ZNF318: variants seen among roughly 807,000 people sequenced by gnomAD.
ZNF318 encodes the protein zinc finger protein 318, also known as endocrine regulator.
ZNF318 carries 51 observed loss-of-function variants against 124.2 expected under a neutral mutation model. The observed-to-expected ratio is 0.41, with a 90% CI of 0.33 to 0.52. The LOEUF is 0.52. Ranked by LOEUF, ZNF318 falls within the 20% of genes least tolerant of loss-of-function variation. ZNF318 has a pLI of 0.23. For synonymous variants in ZNF318, 1,090 were observed against 1,040.7 expected, an observed-to-expected ratio of 1.05 and a Z score of -0.91; for missense variants, 2,815 against 2,811.2, an observed-to-expected ratio of 1.00 and a Z score of -0.03.
chr6:43,352,548 CCTT>C, intron 4 of ZNF318, 72 bp from the exon 5 acceptor site: 1 of 1,382,992 alleles, frequency 7.2e-7, no homozygotes, highest in Non-Finnish European at 1.0e-6. Flanking sequence ...CTTCCAGAAG[CCTT>C]CTTCCTAGAC....
Position 43,357,217 on chromosome 6 carries a change from G to T in ZNF318, c.1097C>A (p.Ser366Tyr). ...AGATACTTCCTCAGGCCGATGCAAA[G>T]AATATCCTGGCTCCGATGCTGTTAG... is the stretch of plus-strand genomic sequence containing the variant. Reference protein sequence around the residue: ...GVLTASEPGYSLHRPEEVSVM... With the variant: ...GVLTASEPGYYLHRPEEVSVM... Residue 366 changes from serine (S) to tyrosine (Y), a missense_variant, in exon 3 of 10, where the codon TCT (serine) becomes TAT (tyrosine). By Grantham distance (144) the Ser-to-Tyr change is moderately radical (BLOSUM62 -2). This residue lies in a region of ZNF318 where 1,377 missense variants were observed against 1,353.5 expected (regional missense o/e 1.02). Coordinates refer to ENST00000361428, the MANE Select transcript of ZNF318 (RefSeq NM_014345.3). The T allele has an allele frequency of 6.2e-7, 1 of 1,614,168 alleles. No individual in the cohort carries two copies. Among genetic ancestry groups the T allele is most frequent in the Non-Finnish European group, 8.5e-7 (1 of 1,180,026 alleles).
chr6:43,337,373 G>A lies in ZNF318; in HGVS notation c.6625C>T (p.Gln2209Ter). 6.2e-7 allele frequency: 1 copy of A among 1,614,132 alleles called. No homozygotes were observed. Among genetic ancestry groups the A allele is most frequent in the Admixed American group, 1.7e-5 (1 of 60,008 alleles). Residue 2209 changes from glutamine to a stop codon, truncating the protein, a stop_gained, in exon 10 of 10, where the codon CAG (glutamine) becomes TAG (stop). Coordinates refer to ENST00000361428, the MANE Select transcript of ZNF318 (RefSeq NM_014345.3). LOFTEE classifies it low-confidence loss of function (END_TRUNC). ...GTGGATGCATTCGATATTTCTAGCT[G>A]TAATGGCCCCAACTCCAGGGAACTA... Reference protein sequence around the residue: ...KCSSLELGPLQLEISNASTTE... With the variant: ...KCSSLELGPL
chr6:43,365,528 C>T (rs1298437798), intron 1 of ZNF318, 88 bp from the exon 2 acceptor site: 1 of 1,415,186 alleles, frequency 7.1e-7, no homozygotes, highest in African/African-American at 1.4e-5. Context: ...CAAAGTTAGC[C>T]AGGCATGGTG....
intron 6 of ZNF318, among the ~76,000 whole-genome samples, chr6:43,345,484 A>C (rs1418224430): frequency 6.6e-6 from 1 of 152,160 alleles, no homozygotes; most frequent in Non-Finnish European, 1.5e-5. Context: ...AGTTTCAGAG[A>C]CCATGAAGAC....
At chr6:43,361,579 A>G (rs1029681845) in intron 2 of ZNF318, among the ~76,000 whole-genome samples, 1 of 151,956 alleles carries the variant, frequency 6.6e-6, no homozygotes, top group Non-Finnish European at 1.5e-5. Context: ...AAAGTTAATA[A>G]TTTTTTTTAA....
intron 9 of ZNF318, 44 bp downstream of exon 9, chr6:43,340,746 C>T: frequency 6.4e-7 from 1 of 1,569,520 alleles, no homozygotes; most frequent in East Asian, 2.2e-5. Context: ...AAAATAATTA[C>T]TTCAGAAAAG....
Position 43,338,484 on chromosome 6 carries a change from G to T in ZNF318, c.5514C>A (p.Ser1838=), listed in dbSNP as rs759000187. 1 of 1,614,058 alleles carries T rather than the reference G, an allele frequency of 6.2e-7. No homozygotes were observed. Among genetic ancestry groups the T allele is most frequent in the Non-Finnish European group, 8.5e-7 (1 of 1,180,006 alleles). The change falls in exon 10 of 10, where the codon TCC becomes TCA. Residue 1838 remains serine, a synonymous_variant. Transcript: ENST00000361428. ...LLMIDKEAEQ[S]NKLMTGSETP... ...TTTCACTTCCTGTCATCAATTTATT[G>T]GACTGTTCAGCCTCTTTGTCAATCA... is the stretch of plus-strand genomic sequence containing the variant.
intron 5 of ZNF318, among the ~76,000 whole-genome samples, chr6:43,349,622 A>G (rs1281333191): frequency 2.0e-5 from 3 of 151,780 alleles, no homozygotes; most frequent in Non-Finnish European, 4.4e-5. Context: ...AACAGTCCAA[A>G]CCCAGACAGA....
chr6:43,337,551 C>T lies in ZNF318; in HGVS notation c.6447G>A (p.Glu2149=), dbSNP rs777946201. The T allele has an allele frequency of 1.2e-6, 2 of 1,614,082 alleles. No individual in the cohort carries two copies. Among genetic ancestry groups the T allele is most frequent in the Non-Finnish European group, 1.7e-6 (2 of 1,180,004 alleles). Residue 2149 remains glutamate, a synonymous_variant, in exon 10 of 10, where the codon GAG becomes GAA. Transcript: ENST00000361428. The part of the protein sequence containing the change: ...VKESSQLDKQ[E]SLGLELKTIN... ...TTGTTTTTAATTCCAATCCGAGTGACTCTTGTTTGTCTAATTGGGAAGATT... is the reference window on the plus strand; with the variant it reads ...TTGTTTTTAATTCCAATCCGAGTGATTCTTGTTTGTCTAATTGGGAAGATT...
Position 43,365,346 on chromosome 6 carries a change from C to T in ZNF318, c.494G>A (p.Arg165Gln), listed in dbSNP as rs777932522. ...TGACCCCAGCCGATCACTAAGCCGT[C>T]GCCGTTCTGGTGTGCTAACACAGAA... ...DHFCVSTPER[R>Q]RLSDRLGSPV... Residue 165 changes from arginine (R) to glutamine (Q), a missense_variant, in exon 2 of 10, where the codon CGA becomes CAA. Arg to Gln is a conservative substitution (Grantham distance 43). Transcript: ENST00000361428. 39 of 1,614,086 alleles carry T rather than the reference C, an allele frequency of 2.4e-5. No individual in the cohort carries two copies. The Middle Eastern group carries it at 6.6e-4, about 27-fold the overall frequency.
intron 2 of ZNF318, among the ~76,000 whole-genome samples, chr6:43,361,352 G>A (rs778682533): frequency 3.7e-4 from 56 of 152,168 alleles, no homozygotes; most frequent in Non-Finnish European, 6.6e-4. Context: ...ATTGCTTGGG[G>A]TCAGGAGACT....
At chr6:43,351,833 C>T (rs1463895864) in intron 5 of ZNF318, among the ~76,000 whole-genome samples, 2 of 151,690 alleles carry the variant, frequency 1.3e-5, no homozygotes, top group Admixed American at 6.6e-5. Flanking sequence ...AAAGATAGAG[C>T]AAGCGTATTA....
chr6:43,367,832 G>A lies in ZNF318; in HGVS notation c.399+1135C>T, dbSNP rs80066320. Among the ~76,000 whole-genome samples, 788 of 152,220 alleles carry A rather than the reference G, an allele frequency of 5.2e-3. 37 individuals are homozygous for A. The East Asian group carries it at 0.11, about 21-fold the overall frequency. ...TCACAGTACTTACATACATGTTAGA[G>A]AGCCACTCAAAAAAGCAGAACTTTG... is the stretch of plus-strand genomic sequence containing the variant. On this transcript the variant is annotated intron_variant, in intron 1 of 9. Coordinates refer to ENST00000361428, the MANE Select transcript of ZNF318 (RefSeq NM_014345.3).
At chr6:43,354,040 T>C (rs1032103275) in intron 4 of ZNF318, among the ~76,000 whole-genome samples, 13 of 151,954 alleles carry the variant, frequency 8.6e-5, no homozygotes, top group African/African-American at 3.1e-4. Flanking sequence ...GAGTTCAAGA[T>C]CAGCCTGGGC....
At position 43,357,652 on chromosome 6, in the gene ZNF318, T is replaced by A. The variant is rs149141877; in HGVS notation, c.662A>T (p.Asp221Val). The A allele has an allele frequency of 5.6e-6, 9 of 1,613,986 alleles. No individual in the cohort carries two copies. The highest frequency in any genetic ancestry group is 1.7e-5 in the Admixed American group (1 of 60,010). Residue 221 changes from aspartate (D) to valine (V), a missense_variant, in exon 3 of 10, where the codon GAT becomes GTT. By Grantham distance (152) the Asp-to-Val change is radical (BLOSUM62 -3). Transcript: ENST00000361428. ...GPLSPFLGQLDEDYRTKETFL... is the reference protein window; with the variant it reads ...GPLSPFLGQLVEDYRTKETFL... ...AGTTTCTTTTGTTCGGTAGTCCTCA[T>A]CAAGTTGTCCCAAGAAGGGACTGAG... is the stretch of plus-strand genomic sequence containing the variant.
intron 4 of ZNF318, 71 bp downstream of exon 4, chr6:43,354,593 T>C: frequency 1.4e-6 from 2 of 1,442,616 alleles, no homozygotes; most frequent in Non-Finnish European, 1.9e-6. Flanking sequence ...TTCAGCCCCT[T>C]CTAAAAAACA....
At chr6:43,358,222 G>C (rs545603203) in intron 2 of ZNF318, among the ~76,000 whole-genome samples, 9 of 152,122 alleles carry the variant, frequency 5.9e-5, no homozygotes, top group Non-Finnish European at 4.4e-5. Context: ...TTTAAAGTTT[G>C]AGAAACACCA....
chr6:43,352,877 C>T (rs1251236208), intron 4 of ZNF318, among the ~76,000 whole-genome samples: 1 of 152,204 alleles, frequency 6.6e-6, no homozygotes, highest in Non-Finnish European at 1.5e-5. Flanking sequence ...CCCAGAGTAG[C>T]ATGTTGTTTA....
chr6:43,369,215 G>C lies in ZNF318; in HGVS notation c.151C>G (p.Arg51Gly). 1 of 1,214,432 alleles carries C rather than the reference G, an allele frequency of 8.2e-7. No homozygotes were observed. 75.2% of individuals were successfully genotyped at this position (1,214,432 alleles called of 1,614,324 possible). A position where few individuals can be genotyped will look rare whatever the true frequency, so the allele number is the denominator to read the frequency against. ...GAGCGGGGTCGGCGAGCCGGGGTCC[G>C]CGACGAGGAGCCGGAGGGCGGAGGC... ...PPPPPSGSSS[R>G]TPARRPRSPS... is the part of the protein sequence containing the mutation. Residue 51 changes from arginine (R) to glycine (G), a missense_variant, in exon 1 of 10, where the codon CGG becomes GGG. Around this residue, in one of 4 missense-constraint regions of ZNF318, gnomAD observed 1,377 missense variants for 1,353.5 expected, o/e 1.02. Coordinates refer to ENST00000361428, the MANE Select transcript of ZNF318 (RefSeq NM_014345.3).
Sources: gnomAD v4.1 joint callset for allele counts (sites outside exome capture counted in the v4.1 genomes callset) on GRCh38, gnomAD v4.1.1 for gene constraint, gnomAD v4.1.1 regional missense constraint, MANE v1.5 for transcripts, NCBI Gene and HGNC (gene_info 2026-07-23, HGNC 2026-07-21) for gene names.